The following CHCHD1 variants were observed in gnomAD, a reference collection of about 807,000 sequenced individuals.
The protein encoded by CHCHD1 is coiled-coil-helix-coiled-coil-helix domain containing 1.
Under a neutral mutation model 12.7 loss-of-function variants are expected in CHCHD1, and 12 were observed. The ratio of observed to expected loss-of-function variants is 0.95; its 90% CI spans 0.61 to 1.53. The LOEUF is 1.53. CHCHD1 is among the 40% of genes most tolerant of loss of function. The pLI, the probability that CHCHD1 is intolerant of heterozygous loss-of-function variation, is 0.00. For synonymous variants in CHCHD1, 57 were observed against 62.4 expected (o/e 0.91, Z 0.41); for missense variants, 151 against 155.8 (o/e 0.97, Z 0.17).
At position 73,782,550 on chromosome 10, in the gene CHCHD1, ATAT is replaced by A. The variant is rs2083108190; in HGVS notation, c.243+114_243+116del. 3.2e-6 allele frequency: 5 copies of A among 1,554,854 alleles called. No individual in the cohort carries two copies. In the South Asian group the frequency reaches 6.1e-5, roughly 19 times the overall value. On this transcript the variant is annotated intron_variant, in intron 2 of 2. Coordinates refer to ENST00000372833, the MANE Select transcript of CHCHD1 (RefSeq NM_203298.3). ...AGGCCCTTTCATTCATTTGGGAGGT[ATAT>A]TATTCACGCCAAAGTGGGAAAGGTT...
At position 73,782,865 on chromosome 10, in the gene CHCHD1, G is replaced by C. The variant is rs540793165; in HGVS notation, c.244-209G>C. 3 of 592,960 alleles carry C rather than the reference G, an allele frequency of 5.1e-6. No homozygotes were observed. In the South Asian group the frequency reaches 6.6e-5, roughly 13 times the overall value. 36.7% of individuals were successfully genotyped at this position (592,960 alleles called of 1,614,324 possible). ...GTAGCTTCTGAACATAGTCTCATTT[G>C]TAGGTCCCAACGCCCTTTTGTTGAA... On this transcript the variant is annotated intron_variant, in intron 2 of 2. Transcript: ENST00000372833.
chr10:73,783,292 G>A lies in CHCHD1; in HGVS notation c.*105G>A, dbSNP rs1476516875. 5 of 754,056 alleles carry A rather than the reference G, an allele frequency of 6.6e-6. No individual in the cohort carries two copies. The highest frequency in any genetic ancestry group is 8.7e-6 in the Non-Finnish European group (4 of 457,196). The allele number at this position is 754,056 out of a possible 1,614,324, so 46.7% of individuals were successfully genotyped here. A position where few individuals can be genotyped will look rare whatever the true frequency, so the allele number is the denominator to read the frequency against. Reference sequence around the variant, plus strand: ...ATGCCCTCTTTGGAGGGTAGAAGAGGCAAAACACTTTTTTCACCCTTTGGA... The same window carrying A: ...ATGCCCTCTTTGGAGGGTAGAAGAGACAAAACACTTTTTTCACCCTTTGGA... On this transcript the variant is annotated 3_prime_UTR_variant, in exon 3 of 3. Coordinates refer to ENST00000372833, the MANE Select transcript of CHCHD1 (RefSeq NM_203298.3).
chr10:73,782,112 T>C lies in CHCHD1; in HGVS notation c.37T>C (p.Phe13Leu). Residue 13 changes from phenylalanine (F) to leucine (L), a missense_variant, in exon 1 of 3, where the codon TTT (phenylalanine) becomes CTT (leucine). Phe to Leu is a conservative substitution (Grantham distance 22). Transcript: ENST00000372833. ...CAGCCTGCGGGGTCGTCTGGCGCGG[T>C]TTGGGAACCCGCGGAAGCCTGTGCT... is the stretch of plus-strand genomic sequence containing the variant. ...TPSLRGRLARFGNPRKPVLKP... is the reference protein window; with the variant it reads ...TPSLRGRLARLGNPRKPVLKP... 1 of 1,612,760 alleles carries C rather than the reference T, an allele frequency of 6.2e-7. No homozygotes were observed. Among genetic ancestry groups the C allele is most frequent in the South Asian group, 1.1e-5 (1 of 91,048 alleles).
rs1429927106 is a variant in CHCHD1 at position 73,783,324 on chromosome 10, GTA to G, written c.*139_*140del. 4.9e-5 allele frequency: 30 copies of G among 616,886 alleles called. No individual in the cohort carries two copies. The highest frequency in any genetic ancestry group is 3.0e-4 in the Middle Eastern group (1 of 3,284). 38.2% of individuals were successfully genotyped at this position (616,886 alleles called of 1,614,324 possible). A position where few individuals can be genotyped will look rare whatever the true frequency, so the allele number is the denominator to read the frequency against. ...ACTTTTTTCACCCTTTGGAATCATA[GTA>G]TGGGTAGAAGTTATGATTTATCTTG... On this transcript the variant is annotated 3_prime_UTR_variant, in exon 3 of 3. Transcript: ENST00000372833.
In CHCHD1 at chr10:73,782,367, A is replaced by G; in HGVS notation, c.169A>G (p.Lys57Glu). 6.2e-7 allele frequency: 1 copy of G among 1,614,176 alleles called. No individual in the cohort carries two copies. Among genetic ancestry groups the G allele is most frequent in the African/African-American group, 1.3e-5 (1 of 75,032 alleles). ...GATGTCGGTGATGATGGCTTGCTGG[A>G]AGCAGAATGAATTCCGCGACGATGC... ...TEMSVMMACW[K>E]QNEFRDDACR... The change falls in exon 2 of 3, where the codon AAG becomes GAG. Residue 57 changes from lysine (K) to glutamate (E), a missense_variant. Physicochemically the swap from Lys to Glu is moderately conservative, Grantham distance 56. Coordinates refer to ENST00000372833, the MANE Select transcript of CHCHD1 (RefSeq NM_203298.3).
At position 73,782,796 on chromosome 10, in the gene CHCHD1, CA is replaced by C. The variant is rs201192193; in HGVS notation, c.244-276del. 2,744 of 570,494 alleles carry C rather than the reference CA, an allele frequency of 4.8e-3. 15 individuals carry two copies. Among genetic ancestry groups the C allele is most frequent in the Non-Finnish European group, 5.7e-3 (1,932 of 340,744 alleles). The allele number at this position is 570,494 out of a possible 1,614,324, so 35.3% of individuals were successfully genotyped here. Reference sequence around the variant, plus strand: ...TAAAGAGACTAAAACTAAATAATGACAATAGTTTGGTTTCCTGTCTAGGCTT... The same window carrying C: ...TAAAGAGACTAAAACTAAATAATGACATAGTTTGGTTTCCTGTCTAGGCTT... On this transcript the variant is annotated intron_variant, in intron 2 of 2. Transcript: ENST00000372833.
intron 2 of CHCHD1, 94 bp from the exon 3 acceptor site, chr10:73,782,980 T>G (rs2083110270): frequency 1.0e-6 from 1 of 971,030 alleles, no homozygotes; most frequent in South Asian, 1.4e-5. Flanking sequence ...CAGGACAAAC[T>G]TGATTGATTG....
intron 2 of CHCHD1, chr10:73,782,685 G>C: frequency 3.0e-6 from 3 of 1,007,658 alleles, no homozygotes; most frequent in Non-Finnish European, 4.1e-6. Flanking sequence ...AGAATGTTGT[G>C]AGTGTCAGAT....
rs751338274 is a variant in CHCHD1, at chr10:73,782,175, G to A, written c.100G>A (p.Gly34Arg). Residue 34 changes from glycine (G) to arginine (R), a missense_variant, in exon 1 of 3, where the codon GGG becomes AGG. Coordinates refer to ENST00000372833, the MANE Select transcript of CHCHD1 (RefSeq NM_203298.3). ...ACCTCTCATTCTAGCTAACCGCGTC[G>A]GGGAGCGGCGCCGGGAGAAGGGCGG... ...NKPLILANRV[G>R]ERRREKGEAT... 5.6e-6 allele frequency: 9 copies of A among 1,613,828 alleles called. No individual in the cohort carries two copies. The highest frequency in any genetic ancestry group is 1.6e-4 in the Middle Eastern group (1 of 6,084).
chr10:73,782,971 A>C, intron 2 of CHCHD1, 103 bp from the exon 3 acceptor site: 1 of 899,552 alleles, frequency 1.1e-6, no homozygotes, highest in East Asian at 2.4e-5. Flanking sequence ...GGCCTACATC[A>C]GGACAAACTT....
intron 2 of CHCHD1, chr10:73,782,746 T>A: frequency 1.6e-6 from 1 of 629,488 alleles, no homozygotes; most frequent in Non-Finnish European, 2.5e-6. Flanking sequence ...GCTGCTCAAG[T>A]AGACATTATT....
chr10:73,782,082 A>G lies in CHCHD1; in HGVS notation c.7A>G (p.Thr3Ala), dbSNP rs373340912. 1.2e-6 allele frequency: 2 copies of G among 1,613,066 alleles called. No homozygotes were observed. The highest frequency in any genetic ancestry group is 8.5e-7 in the Non-Finnish European group (1 of 1,179,864). MA[T>A]PSLRGRLARF... ...GCCGGGAGCTTGGTGCGCTATGGCG[A>G]CACCCAGCCTGCGGGGTCGTCTGGC... The change falls in exon 1 of 3, where the codon ACA becomes GCA. Residue 3 changes from threonine (T) to alanine (A), a missense_variant. Coordinates refer to ENST00000372833, the MANE Select transcript of CHCHD1 (RefSeq NM_203298.3).
intron 2 of CHCHD1, 86 bp from the exon 3 acceptor site, chr10:73,782,988 T>G (rs2083110320): frequency 9.9e-7 from 1 of 1,010,652 alleles, no homozygotes; most frequent in Non-Finnish European, 1.6e-6. Flanking sequence ...ACTTGATTGA[T>G]TGATTGGTTT....
chr10:73,782,975 C>A, intron 2 of CHCHD1, 99 bp from the exon 3 acceptor site: 1 of 946,794 alleles, frequency 1.1e-6, no homozygotes, highest in Non-Finnish European at 1.7e-6. Context: ...TACATCAGGA[C>A]AAACTTGATT....
chr10:73,782,218 G>A lies in CHCHD1; in HGVS notation c.124+19G>A. 1 of 1,613,406 alleles carries A rather than the reference G, an allele frequency of 6.2e-7. No individual in the cohort carries two copies. Among genetic ancestry groups the A allele is most frequent in the Non-Finnish European group, 8.5e-7 (1 of 1,179,638 alleles). On this transcript the variant is annotated intron_variant, in intron 1 of 2. Coordinates refer to ENST00000372833, the MANE Select transcript of CHCHD1 (RefSeq NM_203298.3). ...AAGGGCGGTGAGCAGTCGGAGTCAG[G>A]ACGGCCCCGGAGCGGAAGCCGGAGC...
Position 73,783,260 on chromosome 10 carries a change from C to T in CHCHD1, c.*73C>T. ...TGCAGAGGCATTTTAGAGACATTGGCATTGCCATGCCCTCTTTGGAGGGTA... is the reference window on the plus strand; with the variant it reads ...TGCAGAGGCATTTTAGAGACATTGGTATTGCCATGCCCTCTTTGGAGGGTA... On this transcript the variant is annotated 3_prime_UTR_variant, in exon 3 of 3. Coordinates refer to ENST00000372833, the MANE Select transcript of CHCHD1 (RefSeq NM_203298.3). 1 of 1,107,884 alleles carries T rather than the reference C, an allele frequency of 9.0e-7. No individual in the cohort carries two copies. Among genetic ancestry groups the T allele is most frequent in the East Asian group, 2.4e-5 (1 of 41,704 alleles). 68.6% of individuals were successfully genotyped at this position (1,107,884 alleles called of 1,614,324 possible).
chr10:73,782,572 A>G, intron 2 of CHCHD1, 131 bp downstream of exon 2: 1 of 1,511,256 alleles, frequency 6.6e-7, no homozygotes, highest in Admixed American at 2.3e-5. Context: ...CCAAAGTGGG[A>G]AAGGTTACAG....
rs758332849 is a variant in CHCHD1, at chr10:73,782,170, G to C, written c.95G>C (p.Arg32Pro). Residue 32 changes from arginine (R) to proline (P), a missense_variant, in exon 1 of 3, where the codon CGC becomes CCC. Transcript: ENST00000372833. ...AATAAACCTCTCATTCTAGCTAACC[G>C]CGTCGGGGAGCGGCGCCGGGAGAAG... is the stretch of plus-strand genomic sequence containing the variant. ...KPNKPLILAN[R>P]VGERRREKGE... 1.1e-5 allele frequency: 17 copies of C among 1,613,802 alleles called. No homozygotes were observed. In the South Asian group the frequency reaches 1.3e-4, roughly 13 times the overall value.
intron 2 of CHCHD1, chr10:73,782,670 C>G: frequency 8.8e-7 from 1 of 1,132,164 alleles, no homozygotes; most frequent in Non-Finnish European, 1.2e-6. Context: ...CCAATACCAC[C>G]TTAAAGAATG....
Sources: allele counts gnomAD v4.1 joint callset, GRCh38; gene constraint gnomAD v4.1.1; transcripts MANE v1.5; gene names NCBI Gene and HGNC (gene_info 2026-07-23, HGNC 2026-07-21).